Variants in PCLO observed in about 807,000 individuals in gnomAD.
PCLO encodes piccolo presynaptic cytomatrix protein.
Under a neutral mutation model 427.5 loss-of-function variants are expected in PCLO, and 82 were observed. The ratio of observed to expected loss-of-function variants is 0.19; its 90% CI spans 0.16 to 0.23. The LOEUF is 0.23. Among genes scored for constraint, PCLO ranks in the 10% least tolerant of loss-of-function variants. The probability of loss-of-function intolerance (pLI) is 1.00; values close to 1 mark genes in which losing one functional copy is unlikely to be tolerated. For synonymous variants in PCLO, 2,357 were observed against 2,155.4 expected, an observed-to-expected ratio of 1.09 and a Z score of -2.59; for missense variants, 6,239 against 6,115.9, an observed-to-expected ratio of 1.02 and a Z score of -0.67.
intron 6 of PCLO, among the ~76,000 whole-genome samples, chr7:82,921,904 TA>T (rs898435998): frequency 7.9e-5 from 12 of 151,444 alleles, no homozygotes; most frequent in Non-Finnish European, 1.6e-4. Flanking sequence ...ACAATCTTAT[TA>T]AAAAAATGGT....
intron 2 of PCLO, among the ~76,000 whole-genome samples, chr7:83,143,386 T>C (rs1791911045): frequency 6.6e-6 from 1 of 152,196 alleles, no homozygotes; most frequent in Non-Finnish European, 1.5e-5. Flanking sequence ...TGTGATGGCA[T>C]ACTCAGCAAC....
intron 8 of PCLO, among the ~76,000 whole-genome samples, chr7:82,905,524 A>G (rs1267610023): frequency 1.3e-5 from 2 of 152,014 alleles, no homozygotes; most frequent in Non-Finnish European, 2.9e-5. Context: ...AGAAGCTCAC[A>G]GCCCAAGACA....
chr7:82,903,653 A>G (rs1794113890), intron 8 of PCLO, among the ~76,000 whole-genome samples: 2 of 152,002 alleles, frequency 1.3e-5, no homozygotes, highest in African/African-American at 4.8e-5. Flanking sequence ...ACTCTTACCT[A>G]TATTAACAGG....
chr7:83,105,755 T>C (rs761023325), intron 3 of PCLO, among the ~76,000 whole-genome samples: 25 of 152,300 alleles, frequency 1.6e-4, no homozygotes, highest in Non-Finnish European at 2.9e-4. Context: ...ATGAAAAAAT[T>C]ACTGAGAACT....
intron 3 of PCLO, among the ~76,000 whole-genome samples, chr7:83,023,827 G>A (rs964736261): frequency 2.6e-5 from 4 of 152,310 alleles, no homozygotes; most frequent in Middle Eastern, 3.4e-3. Flanking sequence ...AATTATTAAT[G>A]TCATTGATAG....
intron 3 of PCLO, among the ~76,000 whole-genome samples, chr7:83,125,151 A>C (rs1278018208): frequency 1.3e-5 from 2 of 152,032 alleles, no homozygotes; most frequent in African/African-American, 4.8e-5. Flanking sequence ...AAGTGCTGAG[A>C]TTGCAGCCTC....
At chr7:82,930,310 C>T (rs1381333092) in intron 6 of PCLO, among the ~76,000 whole-genome samples, 4 of 152,152 alleles carry the variant, frequency 2.6e-5, no homozygotes, top group South Asian at 4.1e-4. Flanking sequence ...GGAGAAACAG[C>T]ATTAGGAGGG....
In PCLO at chr7:82,954,540, G is replaced by C; in HGVS notation, c.6413C>G (p.Thr2138Arg). ...TACATATTCATCCTCAATTTCTTCT[G>C]TTGAAAAATGTTGGGTTATTTTAAC... ...PDVKITQHFS[T>R]EEIEDEYVTD... Residue 2138 changes from threonine to arginine, a missense_variant, in exon 5 of 25, where the codon ACA (threonine) becomes AGA (arginine). Physicochemically the swap from Thr to Arg is moderately conservative, Grantham distance 71 (BLOSUM62 -1). This residue lies in a region of PCLO where 4,677 missense variants were observed against 4,468.4 expected (regional missense o/e 1.05). Transcript: ENST00000333891. 1 of 1,613,856 alleles carries C rather than the reference G, an allele frequency of 6.2e-7. No homozygotes were observed. Among genetic ancestry groups the C allele is most frequent in the South Asian group, 1.1e-5 (1 of 91,084 alleles).
At chr7:82,805,954 T>C (rs1791449562) in intron 20 of PCLO, 125 bp from the exon 21 acceptor site, 2 of 894,770 alleles carry the variant, frequency 2.2e-6, no homozygotes, top group Non-Finnish European at 3.4e-6. Context: ...GAACTCTACA[T>C]TTTTCAACCC....
At chr7:82,947,278 A>G (rs10234208) in intron 6 of PCLO, among the ~76,000 whole-genome samples, 7,271 of 152,142 alleles carry the variant, frequency 0.048, 570 homozygotes, top group African/African-American at 0.17. Context: ...TATGTGTGTC[A>G]CTGTGTTGTT....
At chr7:83,015,113 A>T (rs1788174087) in intron 3 of PCLO, among the ~76,000 whole-genome samples, 1 of 152,164 alleles carries the variant, frequency 6.6e-6, no homozygotes, top group South Asian at 2.1e-4. Flanking sequence ...CACTGAGATA[A>T]GATTCGGACC....
At chr7:83,116,314 C>T (rs115987115) in intron 3 of PCLO, among the ~76,000 whole-genome samples, 2,097 of 152,086 alleles carry the variant, frequency 0.014, 34 homozygotes, top group African/African-American at 0.045. Flanking sequence ...CGTGGGCTTA[C>T]GTAACCCACA....
chr7:82,919,990 G>T (rs1794559555), intron 6 of PCLO, among the ~76,000 whole-genome samples: 1 of 151,772 alleles, frequency 6.6e-6, no homozygotes, highest in Non-Finnish European at 1.5e-5. Context: ...TATGTTTTAG[G>T]ACTGGTTAGT....
intron 9 of PCLO, among the ~76,000 whole-genome samples, chr7:82,898,804 A>G (rs191768461): frequency 1.4e-3 from 210 of 151,588 alleles, no homozygotes; most frequent in African/African-American, 4.4e-3. Flanking sequence ...ATAAGACTAC[A>G]ATAAAATCCA....
chr7:82,756,708 G>A lies in PCLO; in HGVS notation c.*1867C>T, dbSNP rs996561182. ...CACTAACACTTCACCCTTAAATAAA[G>A]CAGCAGGTTTTAAGCTCAGAATGCT... On this transcript the variant is annotated 3_prime_UTR_variant, in exon 25 of 25. Transcript: ENST00000333891. 6.6e-5 allele frequency: 10 copies of A among 151,814 alleles called. No individual in the cohort carries two copies. Among genetic ancestry groups the A allele is most frequent in the Non-Finnish European group, 2.9e-5 (2 of 67,940 alleles). 9.4% of individuals were successfully genotyped at this position (151,814 alleles called of 1,614,324 possible).
intron 3 of PCLO, among the ~76,000 whole-genome samples, chr7:83,008,509 A>T (rs1562915935): frequency 6.6e-6 from 1 of 151,690 alleles, no homozygotes; most frequent in Non-Finnish European, 1.5e-5. Flanking sequence ...AAGTTTCAAG[A>T]TTACTGTTAG....
intron 15 of PCLO, among the ~76,000 whole-genome samples, chr7:82,837,866 TA>T: frequency 6.6e-6 from 1 of 152,100 alleles, no homozygotes; most frequent in African/African-American, 2.4e-5. Flanking sequence ...ATTTCTCAGA[TA>T]AATTTGGGAA....
intron 15 of PCLO, among the ~76,000 whole-genome samples, 184 bp from the exon 16 acceptor site, chr7:82,835,877 G>A (rs1584028773): frequency 6.6e-6 from 1 of 152,140 alleles, no homozygotes; most frequent in South Asian, 2.1e-4. Context: ...TACCTTGCAA[G>A]TGTAATACAT....
chr7:83,154,387 T>C (rs1274451407), intron 2 of PCLO, among the ~76,000 whole-genome samples: 2 of 152,188 alleles, frequency 1.3e-5, no homozygotes, highest in Non-Finnish European at 2.9e-5. Context: ...AAATAACATT[T>C]ATGAATACCA....
Sources: allele counts gnomAD v4.1 joint callset (sites outside exome capture counted in the v4.1 genomes callset), GRCh38; gene constraint gnomAD v4.1.1; regional missense constraint gnomAD v4.1.1; transcripts MANE v1.5; gene names NCBI Gene and HGNC (gene_info 2026-07-23, HGNC 2026-07-21).